Variants in JAKMIP2 observed in about 807,000 individuals in gnomAD.
The protein encoded by JAKMIP2 is janus kinase and microtubule interacting protein 2.
In JAKMIP2, 25 loss-of-function variants were observed where a neutral mutation model predicts 115.0. That is an observed-to-expected ratio of 0.22 (90% CI 0.16 to 0.30). The LOEUF (loss-of-function observed/expected upper bound fraction) is 0.30, where lower values mean the gene tolerates loss of function less well. JAKMIP2 is among the 10% of genes least tolerant of loss of function. The pLI, the probability that JAKMIP2 is intolerant of heterozygous loss-of-function variation, is 1.00. For missense variants in JAKMIP2, 642 were observed against 957.6 expected (o/e 0.67, Z 4.35); for synonymous variants, 334 against 343.6 (o/e 0.97, Z 0.31).
intron 16 of JAKMIP2, 55 bp downstream of exon 16, chr5:147,628,696 G>A (rs1757222532): frequency 2.6e-5 from 35 of 1,339,386 alleles, no homozygotes; most frequent in South Asian, 3.6e-5. Context: ...TAGTCTGCTC[G>A]TTCAGTATTA....
chr5:147,718,950 T>A (rs200144398), intron 1 of JAKMIP2, among the ~76,000 whole-genome samples: 16,768 of 135,588 alleles, frequency 0.12, 1,104 homozygotes, highest in Admixed American at 0.19. Context: ...AGGGTGTCAA[T>A]TTTGGATCTT....
intron 1 of JAKMIP2, among the ~76,000 whole-genome samples, chr5:147,753,052 C>T (rs946842209): frequency 2.9e-4 from 44 of 152,122 alleles, no homozygotes; most frequent in African/African-American, 1.1e-3. Context: ...ATAACACAAA[C>T]AAAAGCCATG....
chr5:147,636,857 T>C lies in JAKMIP2; in HGVS notation c.1614+108A>G. The C allele has an allele frequency of 6.3e-6, 5 of 796,924 alleles. No homozygotes were observed. The South Asian group carries it at 6.7e-5, about 11-fold the overall frequency. The allele number at this position is 796,924 out of a possible 1,614,324, so 49.4% of individuals were successfully genotyped here. ...TCTAACGCAGTTCGAGAAAGATCAC[T>C]GTGGAGAGCCAAGCTGTGTCCTGGG... On this transcript the variant is annotated intron_variant, in intron 11 of 21. Transcript: ENST00000616793.
Position 147,671,665 on chromosome 5 carries a change from A to G in JAKMIP2, c.129+13T>C. 1 of 1,400,338 alleles carries G rather than the reference A, an allele frequency of 7.1e-7. No homozygotes were observed. Among genetic ancestry groups the G allele is most frequent in the South Asian group, 1.8e-5 (1 of 55,488 alleles). 86.7% of individuals were successfully genotyped at this position (1,400,338 alleles called of 1,614,324 possible). On this transcript the variant is annotated intron_variant, in intron 2 of 21. Transcript: ENST00000616793. The stretch of plus-strand genomic sequence containing the variant: ...TGCTCTTAATGCCACGACCTCAGGT[A>G]GCCCTCGCTCACCTTGGACTTCTCT...
intron 1 of JAKMIP2, among the ~76,000 whole-genome samples, chr5:147,701,665 G>T (rs755831628): frequency 1.3e-5 from 2 of 152,116 alleles, no homozygotes; most frequent in Non-Finnish European, 2.9e-5. Context: ...CCTTCACACA[G>T]CACCAAATTT....
At chr5:147,750,789 A>G (rs1248161709) in intron 1 of JAKMIP2, among the ~76,000 whole-genome samples, 1 of 152,142 alleles carries the variant, frequency 6.6e-6, no homozygotes, top group Non-Finnish European at 1.5e-5. Flanking sequence ...TATCCTTATC[A>G]AGAGAGGAAG....
chr5:147,657,235 G>A (rs183038104), intron 3 of JAKMIP2, among the ~76,000 whole-genome samples: 1,678 of 152,280 alleles, frequency 0.011, 33 homozygotes, highest in African/African-American at 0.038. Context: ...AGCCGAGATC[G>A]CGCCACTGCA....
intron 1 of JAKMIP2, among the ~76,000 whole-genome samples, chr5:147,774,919 C>T (rs1755501450): frequency 6.6e-6 from 1 of 152,118 alleles, no homozygotes; most frequent in Non-Finnish European, 1.5e-5. Flanking sequence ...CAGCAAATTT[C>T]CCTTCTTGAA....
At chr5:147,750,561 T>TGC (rs1554084951) in intron 1 of JAKMIP2, among the ~76,000 whole-genome samples, 2 of 142,808 alleles carry the variant, frequency 1.4e-5, no homozygotes, top group African/African-American at 5.2e-5. Context: ...TGCCAGAAAA[T>TGC]ACACACACAC....
chr5:147,622,409 CTA>C (rs1756896631), intron 17 of JAKMIP2, among the ~76,000 whole-genome samples: 1 of 152,298 alleles, frequency 6.6e-6, no homozygotes, highest in South Asian at 2.1e-4. Flanking sequence ...TACAACAGCT[CTA>C]TGTTTCCCCT....
In JAKMIP2 at chr5:147,612,377, G is replaced by T. The variant is rs201383631; in HGVS notation, c.2347-6C>A. 21 of 1,517,766 alleles carry T rather than the reference G, an allele frequency of 1.4e-5. No homozygotes were observed. In the East Asian group the frequency reaches 4.1e-4, roughly 29 times the overall value. The allele number at this position is 1,517,766 out of a possible 1,614,324, so 94.0% of individuals were successfully genotyped here. On this transcript the variant is annotated splice_region_variant and splice_polypyrimidine_tract_variant and intron_variant, in intron 19 of 21. Transcript: ENST00000616793. Reference sequence around the variant, plus strand: ...TCTTCTAAGTCACGAATTCTCTGAAGAAAGAAAAGAAAAGAAAGAAAGCAT... The same window carrying T: ...TCTTCTAAGTCACGAATTCTCTGAATAAAGAAAAGAAAAGAAAGAAAGCAT...
intron 1 of JAKMIP2, among the ~76,000 whole-genome samples, chr5:147,748,206 C>G (rs1016730863): frequency 3.3e-5 from 5 of 151,988 alleles, no homozygotes; most frequent in Admixed American, 3.3e-4. Context: ...TGTGTCTTCA[C>G]GTGTGAAATG....
chr5:147,685,809 T>G (rs1446731842), intron 1 of JAKMIP2, among the ~76,000 whole-genome samples: 1 of 152,226 alleles, frequency 6.6e-6, no homozygotes, highest in Non-Finnish European at 1.5e-5. Flanking sequence ...TAATTTTTTT[T>G]GAATGGCAGA....
chr5:147,702,650 AAGAAAGAAAGAAAG>A (rs1208436076), intron 1 of JAKMIP2, among the ~76,000 whole-genome samples: 4 of 111,994 alleles, frequency 3.6e-5, no homozygotes, highest in Admixed American at 9.0e-5. Flanking sequence ...GAAAGAAAGA[AAGAAAGAAAGAAAG>A]AGAGAGAAAG....
At chr5:147,621,993 G>A (rs189656415) in intron 17 of JAKMIP2, among the ~76,000 whole-genome samples, 1,702 of 152,100 alleles carry the variant, frequency 0.011, 13 homozygotes, top group Middle Eastern at 0.088. Context: ...TCAGCTTCCC[G>A]AGTAGCTGGG....
chr5:147,628,949 T>C, intron 15 of JAKMIP2, 133 bp from the exon 16 acceptor site: 1 of 593,796 alleles, frequency 1.7e-6, no homozygotes, highest in South Asian at 2.4e-5. Flanking sequence ...CTATTCTGTT[T>C]AGTAATAATT....
chr5:147,650,302 C>T (rs1364947884), intron 4 of JAKMIP2, 36 bp downstream of exon 4: 5 of 1,310,214 alleles, frequency 3.8e-6, no homozygotes, highest in South Asian at 3.5e-5. Flanking sequence ...TAAAAGATGA[C>T]TTGTGCATTC....
At chr5:147,631,547 AC>A (rs1305188814) in intron 13 of JAKMIP2, 36 bp from the exon 14 acceptor site, 4 of 1,338,218 alleles carry the variant, frequency 3.0e-6, no homozygotes, top group African/African-American at 1.4e-5. Context: ...GAAATTAAAA[AC>A]AAAACTGATT....
At chr5:147,710,149 C>T (rs985760320) in intron 1 of JAKMIP2, among the ~76,000 whole-genome samples, 1 of 152,128 alleles carries the variant, frequency 6.6e-6, no homozygotes, top group Non-Finnish European at 1.5e-5. Context: ...TAATTACCTT[C>T]TTGAACACAG....
Sources: allele counts gnomAD v4.1 joint callset (sites outside exome capture counted in the v4.1 genomes callset), GRCh38; gene constraint gnomAD v4.1.1; transcripts MANE v1.5; gene names NCBI Gene and HGNC (gene_info 2026-07-23, HGNC 2026-07-21).